ENDOV: variants seen among roughly 807,000 people sequenced by gnomAD.
The protein encoded by ENDOV is endonuclease V.
ENDOV carries 37 observed loss-of-function variants against 39.4 expected under a neutral mutation model. The observed-to-expected ratio is 0.94, with a 90% CI of 0.72 to 1.23. The LOEUF (loss-of-function observed/expected upper bound fraction) is 1.23, where lower values mean the gene tolerates loss of function less well. Ranked by LOEUF, ENDOV falls within the 50% of genes most tolerant of loss-of-function variation. The pLI, the probability that ENDOV is intolerant of heterozygous loss-of-function variation, is 0.00. For missense variants in ENDOV, 441 were observed against 375.7 expected, an observed-to-expected ratio of 1.17 and a Z score of -1.44; for synonymous variants, 186 against 163.4, an observed-to-expected ratio of 1.14 and a Z score of -1.05.
chr17:80,425,126 T>C (rs2082527959), intron 6 of ENDOV, 26 bp downstream of exon 6: 1 of 1,587,362 alleles, frequency 6.3e-7, no homozygotes, highest in Non-Finnish European at 8.6e-7. Flanking sequence ...CCTGAGCTCC[T>C]CCAAAGCCCC....
intron 9 of ENDOV, among the ~76,000 whole-genome samples, chr17:80,431,268 CAG>C (rs950561256): frequency 6.1e-4 from 93 of 152,316 alleles, no homozygotes; most frequent in Admixed American, 3.3e-3. Context: ...CAGCAGCACT[CAG>C]GGCCGGGGAG....
intron 1 of ENDOV, 94 bp downstream of exon 1, chr17:80,415,344 G>C: frequency 6.9e-7 from 1 of 1,453,114 alleles, no homozygotes; most frequent in Non-Finnish European, 9.4e-7. Flanking sequence ...CTGTGGAATC[G>C]GAGCTGCCAC....
intron 2 of ENDOV, chr17:80,417,246 T>C (rs1458949815): frequency 1.3e-5 from 2 of 152,256 alleles, no homozygotes; most frequent in Admixed American, 1.3e-4. Flanking sequence ...GTCCCTCACG[T>C]GTTTGCTACG....
chr17:80,436,436 A>C lies in ENDOV; in HGVS notation c.*293A>C. 8.1e-7 allele frequency: 1 copy of C among 1,241,974 alleles called. No individual in the cohort carries two copies. The highest frequency in any genetic ancestry group is 1.1e-6 in the Non-Finnish European group (1 of 943,692). 76.9% of individuals were successfully genotyped at this position (1,241,974 alleles called of 1,614,324 possible). ...TTCAAGGATGCTCTTCATCCAGCTGAAGACGGTCCCTTCTAGTCCTAATTT... is the reference window on the plus strand; with the variant it reads ...TTCAAGGATGCTCTTCATCCAGCTGCAGACGGTCCCTTCTAGTCCTAATTT... On this transcript the variant is annotated 3_prime_UTR_variant, in exon 10 of 10. Coordinates refer to ENST00000518137, the MANE Select transcript of ENDOV (RefSeq NM_173627.5).
In ENDOV at chr17:80,425,028, C is replaced by A. The variant is rs772844861; in HGVS notation, c.517-4C>A. 2 of 1,611,886 alleles carry A rather than the reference C, an allele frequency of 1.2e-6. No individual in the cohort carries two copies. Among genetic ancestry groups the A allele is most frequent in the South Asian group, 1.1e-5 (1 of 90,518 alleles). On this transcript the variant is annotated splice_region_variant and splice_polypyrimidine_tract_variant and intron_variant, in intron 5 of 9. Transcript: ENST00000518137. ...TTTTCCCCATTTTTCCCTCCATTTTCCAGATCCGACTCCTGCAGACTCGAG... is the reference window on the plus strand; with the variant it reads ...TTTTCCCCATTTTTCCCTCCATTTTACAGATCCGACTCCTGCAGACTCGAG...
intron 4 of ENDOV, 77 bp from the exon 5 acceptor site, chr17:80,423,443 A>G: frequency 7.2e-7 from 1 of 1,388,926 alleles, no homozygotes; most frequent in Middle Eastern, 1.8e-4. Flanking sequence ...AGCTTTTGGT[A>G]AGACTGGCTT....
At chr17:80,417,215 A>C in intron 2 of ENDOV, 1 of 151,814 alleles carries the variant, frequency 6.6e-6, no homozygotes, top group Non-Finnish European at 1.5e-5. Flanking sequence ...AGTTCTTCCC[A>C]CCTCCTACAG....
chr17:80,425,213 C>T (rs2082543465), intron 6 of ENDOV, 113 bp downstream of exon 6: 3 of 943,814 alleles, frequency 3.2e-6, no homozygotes, highest in Middle Eastern at 3.1e-4. Flanking sequence ...CATCAACCCC[C>T]CGCCTGCCCG....
intron 9 of ENDOV, among the ~76,000 whole-genome samples, chr17:80,433,894 A>G (rs2083463770): frequency 6.6e-6 from 1 of 152,132 alleles, no homozygotes. Context: ...TTTGCAGACA[A>G]TTTTTACGTG....
intron 5 of ENDOV, chr17:80,423,845 T>A (rs1482733403): frequency 1.8e-6 from 1 of 557,018 alleles, no homozygotes; most frequent in Non-Finnish European, 3.2e-6. Context: ...TCCTGCCTCC[T>A]GGGTGTGCCT....
At chr17:80,422,084 G>A (rs973585813) in intron 3 of ENDOV, 122 bp downstream of exon 3, 1 of 1,561,078 alleles carries the variant, frequency 6.4e-7, no homozygotes, top group Non-Finnish European at 8.7e-7. Context: ...TGGAAGAGAG[G>A]AATGAGGATT....
intron 7 of ENDOV, among the ~76,000 whole-genome samples, chr17:80,426,876 CA>C: frequency 6.6e-6 from 1 of 152,350 alleles, no homozygotes; most frequent in East Asian, 1.9e-4. Context: ...CAGGTCTGCA[CA>C]AGCCATGCTG....
intron 7 of ENDOV, chr17:80,427,947 G>A: frequency 8.9e-7 from 1 of 1,126,338 alleles, no homozygotes; most frequent in Non-Finnish European, 1.1e-6. Flanking sequence ...CATGAGTCGT[G>A]CAGCCCTGAA....
intron 9 of ENDOV, 102 bp downstream of exon 9, chr17:80,429,933 G>A: frequency 6.3e-7 from 1 of 1,597,224 alleles, no homozygotes; most frequent in Non-Finnish European, 8.5e-7. Context: ...GGGTGGAACT[G>A]GGCACCATGA....
intron 9 of ENDOV, among the ~76,000 whole-genome samples, chr17:80,432,955 G>T (rs1231420272): frequency 6.6e-6 from 1 of 152,176 alleles, no homozygotes; most frequent in East Asian, 1.9e-4. Context: ...CACACCCAGA[G>T]CCTGGTGTCC....
At chr17:80,433,286 G>A in intron 9 of ENDOV, 1 of 509,910 alleles carries the variant, frequency 2.0e-6, no homozygotes, top group South Asian at 1.4e-5. Flanking sequence ...CAGGTGAAGT[G>A]TGTAAGGGCT....
chr17:80,430,837 C>CT (rs2083289682), intron 9 of ENDOV, among the ~76,000 whole-genome samples: 1 of 152,244 alleles, frequency 6.6e-6, no homozygotes, highest in Admixed American at 6.5e-5. Flanking sequence ...AGCCTCAAAA[C>CT]TGTCTCCACT....
chr17:80,415,638 C>T lies in ENDOV; in HGVS notation c.57-12C>T, dbSNP rs2081015599. On this transcript the variant is annotated splice_polypyrimidine_tract_variant and intron_variant, in intron 1 of 9. Transcript: ENST00000518137. ...GTGACCCCGACCAAGTTTGACGCTT[C>T]TGTCCTCCTAGGGAGCAAGCTCGGC... is the stretch of plus-strand genomic sequence containing the variant. 2 of 1,610,690 alleles carry T rather than the reference C, an allele frequency of 1.2e-6. No individual in the cohort carries two copies. The highest frequency in any genetic ancestry group is 1.7e-6 in the Non-Finnish European group (2 of 1,178,598).
chr17:80,423,540 C>G lies in ENDOV; in HGVS notation c.424C>G (p.Leu142Val), dbSNP rs2144969029. Reference protein sequence around the residue: ...HHRGFGVACHLGVLTDLPCVG... With the variant: ...HHRGFGVACHVGVLTDLPCVG... ...GGCAGGCTTTGGGGTGGCCTGCCACCTTGGCGTCCTTACAGACCTGCCGTG... is the reference window on the plus strand; with the variant it reads ...GGCAGGCTTTGGGGTGGCCTGCCACGTTGGCGTCCTTACAGACCTGCCGTG... The change falls in exon 5 of 10, where the codon CTT (leucine) becomes GTT (valine). Residue 142 changes from leucine (L) to valine (V), a missense_variant. Transcript: ENST00000518137. 2 of 1,554,006 alleles carry G rather than the reference C, an allele frequency of 1.3e-6. No homozygotes were observed. Among genetic ancestry groups the G allele is most frequent in the East Asian group, 2.4e-5 (1 of 41,154 alleles).
Sources: allele counts gnomAD v4.1 joint callset (sites outside exome capture counted in the v4.1 genomes callset), GRCh38; gene constraint gnomAD v4.1.1; transcripts MANE v1.5; gene names NCBI Gene and HGNC (gene_info 2026-07-23, HGNC 2026-07-21).